JAKMIP2: variants seen among roughly 807,000 people sequenced by gnomAD.
JAKMIP2 encodes janus kinase and microtubule-interacting protein 2.
Under a neutral mutation model 115.0 loss-of-function variants are expected in JAKMIP2, and 25 were observed. The observed-to-expected ratio is 0.22, with a 90% CI of 0.16 to 0.30. The LOEUF (loss-of-function observed/expected upper bound fraction) is 0.30, where lower values mean the gene tolerates loss of function less well. Among genes scored for constraint, JAKMIP2 ranks in the 10% least tolerant of loss-of-function variants. The probability of loss-of-function intolerance (pLI) is 1.00; values close to 1 mark genes in which losing one functional copy is unlikely to be tolerated. For synonymous variants in JAKMIP2, 334 were observed against 343.6 expected, an observed-to-expected ratio of 0.97 and a Z score of 0.31; for missense variants, 642 against 957.6, an observed-to-expected ratio of 0.67 and a Z score of 4.35.
chr5:147,736,392 A>T (rs993240758), intron 1 of JAKMIP2, among the ~76,000 whole-genome samples: 46 of 152,132 alleles, frequency 3.0e-4, no homozygotes, highest in African/African-American at 1.0e-3. Context: ...TGGGGGGTGG[A>T]GGTTGCAGTG....
intron 5 of JAKMIP2, among the ~76,000 whole-genome samples, chr5:147,646,080 G>A (rs1343423116): frequency 6.6e-6 from 1 of 152,122 alleles, no homozygotes; most frequent in Non-Finnish European, 1.5e-5. Context: ...CGAAATATTT[G>A]AGAAGACTTT....
rs989291070 is a variant in JAKMIP2 at position 147,587,988 on chromosome 5, C to G, written c.*3719G>C. The G allele has an allele frequency of 2.6e-5, 4 of 151,778 alleles. No homozygotes were observed. Among genetic ancestry groups the G allele is most frequent in the Admixed American group, 2.6e-4 (4 of 15,226 alleles). 9.4% of individuals were successfully genotyped at this position (151,778 alleles called of 1,614,324 possible). A position where few individuals can be genotyped will look rare whatever the true frequency, so the allele number is the denominator to read the frequency against. Reference sequence around the variant, plus strand: ...ATTAAATCAAGATCTATTCTTCCACCCCTAAAACCTAACTGTTGGTAATAA... The same window carrying G: ...ATTAAATCAAGATCTATTCTTCCACGCCTAAAACCTAACTGTTGGTAATAA... On this transcript the variant is annotated 3_prime_UTR_variant, in exon 22 of 22. Coordinates refer to ENST00000616793, the MANE Select transcript of JAKMIP2 (RefSeq NM_001270941.2).
At chr5:147,680,271 G>T (rs933249566) in intron 1 of JAKMIP2, among the ~76,000 whole-genome samples, 4 of 152,142 alleles carry the variant, frequency 2.6e-5, no homozygotes, top group Non-Finnish European at 5.9e-5. Flanking sequence ...AAAAGGACAG[G>T]GTAGAGAAAG....
In JAKMIP2 at chr5:147,701,731, C is replaced by T. The variant is rs1333436236; in HGVS notation, c.-148-29777G>A. On this transcript the variant is annotated intron_variant, in intron 1 of 21. Coordinates refer to ENST00000616793, the MANE Select transcript of JAKMIP2 (RefSeq NM_001270941.2). ...AAGAGGCCCAAGGAGGCTTGTTTGC[C>T]CCTTCTGCCATGTGAGGATGCAGCA... 2.0e-5 allele frequency among the ~76,000 whole-genome samples: 3 copies of T among 152,124 alleles called. 1 individual carries two copies. The highest frequency in any genetic ancestry group is 4.2e-4 in the South Asian group (2 of 4,818).
At chr5:147,721,738 C>G (rs6895952) in intron 1 of JAKMIP2, among the ~76,000 whole-genome samples, 5,689 of 152,058 alleles carry the variant, frequency 0.037, 159 homozygotes, top group South Asian at 0.12. Context: ...CACTGACCTG[C>G]GCCTGCTGTC....
intron 14 of JAKMIP2, among the ~76,000 whole-genome samples, chr5:147,630,817 C>T (rs1413307036): frequency 5.3e-5 from 8 of 152,070 alleles, no homozygotes; most frequent in East Asian, 3.9e-4. Flanking sequence ...TATATTTCCC[C>T]GGGGGAAGAG....
intron 1 of JAKMIP2, among the ~76,000 whole-genome samples, chr5:147,701,111 T>A (rs535559942): frequency 1.3e-4 from 20 of 152,048 alleles, no homozygotes; most frequent in Admixed American, 9.8e-4. Context: ...ACCAATGCCA[T>A]AAAGGAAAAA....
chr5:147,668,198 GC>G (rs1215827599), intron 2 of JAKMIP2, among the ~76,000 whole-genome samples: 4 of 152,124 alleles, frequency 2.6e-5, no homozygotes, highest in African/African-American at 9.7e-5. Flanking sequence ...TTGCCCTTCT[GC>G]CTCTGCCCTG....
intron 2 of JAKMIP2, among the ~76,000 whole-genome samples, chr5:147,667,696 C>T (rs1474536269): frequency 6.6e-6 from 1 of 152,188 alleles, no homozygotes; most frequent in Non-Finnish European, 1.5e-5. Context: ...TACAACCTTA[C>T]ACAATCCAGT....
At chr5:147,638,454 CA>C (rs1234104966) in intron 10 of JAKMIP2, among the ~76,000 whole-genome samples, 1 of 152,170 alleles carries the variant, frequency 6.6e-6, no homozygotes, top group Admixed American at 6.5e-5. Context: ...AATATTATAG[CA>C]CTGGGGCATA....
intron 18 of JAKMIP2, 55 bp from the exon 19 acceptor site, chr5:147,618,169 G>T (rs201400243): frequency 9.7e-7 from 1 of 1,030,378 alleles, no homozygotes; most frequent in Non-Finnish European, 1.4e-6. Context: ...GATATCTGGT[G>T]TGGGAGTGTA....
At chr5:147,770,354 C>G (rs79329105) in intron 1 of JAKMIP2, among the ~76,000 whole-genome samples, 1 of 151,928 alleles carries the variant, frequency 6.6e-6, no homozygotes, top group Non-Finnish European at 1.5e-5. Context: ...AATGGGTTTA[C>G]ATAGACAAAC....
In JAKMIP2 at chr5:147,645,905, C is replaced by CT. The variant is rs1414897985; in HGVS notation, c.937-910dup. ...TGTCTTGAGGGGATTGTCAATAGTCCTCCCCTTTACTTTTAAAACACTCCT... is the reference window on the plus strand; with the variant it reads ...TGTCTTGAGGGGATTGTCAATAGTCCTTCCCCTTTACTTTTAAAACACTCCT... On this transcript the variant is annotated intron_variant, in intron 5 of 21. Coordinates refer to ENST00000616793, the MANE Select transcript of JAKMIP2 (RefSeq NM_001270941.2). Among the ~76,000 whole-genome samples the CT allele has an allele frequency of 2.0e-5, 3 of 152,040 alleles. No individual in the cohort carries two copies. In the East Asian group the frequency reaches 5.8e-4, roughly 29 times the overall value.
At chr5:147,749,543 T>C (rs1754475267) in intron 1 of JAKMIP2, among the ~76,000 whole-genome samples, 1 of 152,210 alleles carries the variant, frequency 6.6e-6, no homozygotes, top group Non-Finnish European at 1.5e-5. Flanking sequence ...TCTGTGTCAC[T>C]TGACACTCTG....
rs1758943672 is a variant in JAKMIP2 at position 147,661,130 on chromosome 5, G to C, written c.445C>G (p.Arg149Gly). ...GCAATTTCCTGTAAGAGCTTAAGGC[G>C]CTCTGTGTCAAACAGTTTCCGGGCC... Reference protein sequence around the residue: ...EEARKLFDTERLKLLQEIADL... With the variant: ...EEARKLFDTEGLKLLQEIADL... The change falls in exon 3 of 22, where the codon CGC (arginine) becomes GGC (glycine). Residue 149 changes from arginine (R) to glycine (G), a missense_variant. Physicochemically the swap from Arg to Gly is moderately radical, Grantham distance 125. Coordinates refer to ENST00000616793, the MANE Select transcript of JAKMIP2 (RefSeq NM_001270941.2). 6.2e-7 allele frequency: 1 copy of C among 1,614,010 alleles called. No individual in the cohort carries two copies.
chr5:147,713,783 G>A lies in JAKMIP2; in HGVS notation c.-148-41829C>T, dbSNP rs574840683. 1.4e-4 allele frequency among the ~76,000 whole-genome samples: 22 copies of A among 152,296 alleles called. No homozygotes were observed. The South Asian group carries it at 3.7e-3, about 26-fold the overall frequency. On this transcript the variant is annotated intron_variant, in intron 1 of 21. Transcript: ENST00000616793. ...CGGAGGTTTTGGCAGACTAATGGGG[G>A]CTAGATGGAAATAGCTGGTGTCTAG... is the stretch of plus-strand genomic sequence containing the variant.
intron 1 of JAKMIP2, among the ~76,000 whole-genome samples, chr5:147,701,052 G>T (rs994621351): frequency 6.6e-6 from 1 of 152,070 alleles, no homozygotes; most frequent in Admixed American, 6.6e-5. Flanking sequence ...GTAGGCTATG[G>T]TAAGAATTTG....
intron 7 of JAKMIP2, 47 bp from the exon 8 acceptor site, chr5:147,641,811 T>C (rs774472627): frequency 2.7e-6 from 4 of 1,472,920 alleles, no homozygotes; most frequent in Non-Finnish European, 3.8e-6. Context: ...GGTAGATGTT[T>C]CTTTATAGTT....
chr5:147,740,124 T>C (rs978887263), intron 1 of JAKMIP2, among the ~76,000 whole-genome samples: 1 of 152,246 alleles, frequency 6.6e-6, no homozygotes, highest in Admixed American at 6.5e-5. Flanking sequence ...GTTTCTTTTT[T>C]TGAGTCACAC....
Sources: allele counts gnomAD v4.1 joint callset (sites outside exome capture counted in the v4.1 genomes callset), GRCh38; gene constraint gnomAD v4.1.1; transcripts MANE v1.5; gene names NCBI Gene and HGNC (gene_info 2026-07-23, HGNC 2026-07-21).